Variants in LRRC8D observed in about 807,000 individuals in gnomAD.
The protein encoded by LRRC8D is leucine rich repeat containing 8 VRAC subunit D.
A neutral mutation model predicts 55.8 loss-of-function variants in LRRC8D; 20 were observed. The observed-to-expected ratio is 0.36, with a 90% CI of 0.25 to 0.52. The LOEUF (loss-of-function observed/expected upper bound fraction) is 0.52, where lower values mean the gene tolerates loss of function less well. LRRC8D is among the 20% of genes least tolerant of loss of function. LRRC8D has a pLI of 0.93. For missense variants in LRRC8D, 651 were observed against 1,030.8 expected, an observed-to-expected ratio of 0.63 and a Z score of 5.05; for synonymous variants, 352 against 377.0, an observed-to-expected ratio of 0.93 and a Z score of 0.77.
intron 1 of LRRC8D, among the ~76,000 whole-genome samples, chr1:89,828,239 G>A (rs1420685668): frequency 1.3e-5 from 2 of 152,212 alleles, no homozygotes; most frequent in African/African-American, 2.4e-5. Flanking sequence ...AACAGCACAT[G>A]GTCCACCATG....
At chr1:89,839,284 T>C (rs552582708) in intron 1 of LRRC8D, among the ~76,000 whole-genome samples, 1 of 152,292 alleles carries the variant, frequency 6.6e-6, no homozygotes, top group Non-Finnish European at 1.5e-5. Flanking sequence ...TTAGTAATTT[T>C]GTGCAAGGTG....
chr1:89,868,942 T>A (rs1661923357), intron 2 of LRRC8D, among the ~76,000 whole-genome samples: 1 of 152,224 alleles, frequency 6.6e-6, no homozygotes, highest in Non-Finnish European at 1.5e-5. Context: ...AATCTCACTC[T>A]TTCGCCCAGG....
intron 2 of LRRC8D, among the ~76,000 whole-genome samples, chr1:89,924,552 A>G (rs1354939658): frequency 2.0e-5 from 3 of 152,340 alleles, no homozygotes; most frequent in East Asian, 3.9e-4. Flanking sequence ...TCAACCCAGC[A>G]ATCTCTATTG....
intron 2 of LRRC8D, among the ~76,000 whole-genome samples, chr1:89,894,402 G>A (rs1662655817): frequency 6.6e-6 from 1 of 152,174 alleles, no homozygotes; most frequent in Admixed American, 6.5e-5. Flanking sequence ...GGGTATGAAG[G>A]GAAATGCTTG....
chr1:89,892,431 A>C (rs1662600811), intron 2 of LRRC8D, among the ~76,000 whole-genome samples: 1 of 152,152 alleles, frequency 6.6e-6, no homozygotes, highest in African/African-American at 2.4e-5. Flanking sequence ...ATAAGGTAGG[A>C]CCAAGTTCCC....
chr1:89,933,054 T>C lies in LRRC8D; in HGVS notation c.-2-13T>C, dbSNP rs1663750985. The C allele has an allele frequency of 1.3e-6, 2 of 1,596,158 alleles. No homozygotes were observed. Among genetic ancestry groups the C allele is most frequent in the Non-Finnish European group, 1.7e-6 (2 of 1,166,392 alleles). On this transcript the variant is annotated splice_polypyrimidine_tract_variant and intron_variant, in intron 2 of 2. Coordinates refer to ENST00000337338, the MANE Select transcript of LRRC8D (RefSeq NM_001134479.2). The surrounding 1 kb of genome is among the most constrained non-coding windows in gnomAD (Gnocchi z 7.0). ...ATCTCTAGAATAATGTCTTTTGTCT[T>C]CTTGTTTTCTAGGAATGTTTACCCT...
Position 89,935,306 on chromosome 1 carries a change from A to C in LRRC8D, c.2238A>C (p.Ile746=). Residue 746 remains isoleucine, a synonymous_variant, in exon 3 of 3, where the codon ATA becomes ATC. Transcript: ENST00000337338. ...ACAACAACATTTCAATGATTCCAAT[A>C]GAAATAGGATTGCTTCAGAACCTGC... ...VSYNNISMIP[I]EIGLLQNLQH... is the part of the protein sequence containing the mutation. 6.2e-7 allele frequency: 1 copy of C among 1,614,122 alleles called. No homozygotes were observed. Among genetic ancestry groups the C allele is most frequent in the Non-Finnish European group, 8.5e-7 (1 of 1,179,914 alleles).
chr1:89,925,890 G>A (rs1271777914), intron 2 of LRRC8D, among the ~76,000 whole-genome samples: 3 of 152,228 alleles, frequency 2.0e-5, no homozygotes, highest in African/African-American at 7.2e-5. Flanking sequence ...ACTTTCTTAA[G>A]CCTATACTTA....
chr1:89,927,245 A>G (rs1663591170), intron 2 of LRRC8D, among the ~76,000 whole-genome samples: 1 of 152,260 alleles, frequency 6.6e-6, no homozygotes, highest in South Asian at 2.1e-4. Context: ...CCTCAATGTC[A>G]TGTCACAGCA....
At position 89,933,477 on chromosome 1, in the gene LRRC8D, C is replaced by T. The variant is rs1663764357; in HGVS notation, c.409C>T (p.Arg137Ter). 3 of 1,614,038 alleles carry T rather than the reference C, an allele frequency of 1.9e-6. No individual in the cohort carries two copies. Among genetic ancestry groups the T allele is most frequent in the Non-Finnish European group, 2.5e-6 (3 of 1,180,020 alleles). The change falls in exon 3 of 3, where the codon CGA (arginine) becomes TGA (stop). Residue 137 changes from arginine (R) to a stop codon, truncating the protein, a stop_gained. Coordinates refer to ENST00000337338, the MANE Select transcript of LRRC8D (RefSeq NM_001134479.2). LOFTEE classifies it high-confidence loss of function. This position sits in a 1 kb window ranked among gnomAD's most constrained non-coding sequence, Gnocchi z 7.0. ...AKKEKKDPTG[R>*]KTNLDFQQYV... is the part of the protein sequence containing the mutation. ...GAAAGAGAAGAAAGATCCAACAGGT[C>T]GAAAAACAAACTTGGATTTTCAGCA...
intron 1 of LRRC8D, among the ~76,000 whole-genome samples, chr1:89,825,273 C>G (rs550624240): frequency 2.6e-5 from 4 of 152,192 alleles, no homozygotes; most frequent in African/African-American, 9.6e-5. Flanking sequence ...CTAATTAGCC[C>G]TTATTTTGGG....
chr1:89,910,087 A>G (rs962987791), intron 2 of LRRC8D, among the ~76,000 whole-genome samples: 7 of 152,228 alleles, frequency 4.6e-5, no homozygotes, highest in Non-Finnish European at 7.4e-5. Context: ...TTACACTTTA[A>G]TGAATTCAGA....
intron 2 of LRRC8D, among the ~76,000 whole-genome samples, chr1:89,876,912 A>G (rs1165670268): frequency 6.6e-6 from 1 of 152,254 alleles, no homozygotes; most frequent in Admixed American, 6.5e-5. Flanking sequence ...TTTGGTAGCC[A>G]CTGGCCCTTG....
chr1:89,897,900 G>T lies in LRRC8D; in HGVS notation c.-2-35167G>T, dbSNP rs527821474. ...GCAGTGGAGGTAGAGGCTGGGACAAGGTGCATCCCGGTGAGTGCCTGGTAC... is the reference window on the plus strand; with the variant it reads ...GCAGTGGAGGTAGAGGCTGGGACAATGTGCATCCCGGTGAGTGCCTGGTAC... On this transcript the variant is annotated intron_variant, in intron 2 of 2. Transcript: ENST00000337338. 5.9e-5 allele frequency among the ~76,000 whole-genome samples: 9 copies of T among 152,274 alleles called. 1 individual carries two copies. In the East Asian group the frequency reaches 1.5e-3, roughly 26 times the overall value.
chr1:89,912,271 C>A (rs1420508210), intron 2 of LRRC8D, among the ~76,000 whole-genome samples: 1 of 152,084 alleles, frequency 6.6e-6, no homozygotes, highest in Non-Finnish European at 1.5e-5. Context: ...GGAATGGTGA[C>A]CTCATTGCCT....
At chr1:89,868,149 C>T (rs376022663) in intron 2 of LRRC8D, among the ~76,000 whole-genome samples, 1 of 152,144 alleles carries the variant, frequency 6.6e-6, no homozygotes, top group East Asian at 1.9e-4. Context: ...CAAAGAATGG[C>T]CTTCAAATGA....
chr1:89,897,468 A>G (rs955257362), intron 2 of LRRC8D, among the ~76,000 whole-genome samples: 6 of 152,202 alleles, frequency 3.9e-5, no homozygotes. Context: ...ATTCTTGGTT[A>G]TCAAAATACT....
intron 2 of LRRC8D, among the ~76,000 whole-genome samples, chr1:89,858,888 TTAAAAC>T (rs1661626480): frequency 6.6e-6 from 1 of 152,120 alleles, no homozygotes; most frequent in Non-Finnish European, 1.5e-5. Flanking sequence ...TACATTCTGT[TTAAAAC>T]TAATAGAATT....
chr1:89,856,836 G>C (rs1262743331), intron 2 of LRRC8D, among the ~76,000 whole-genome samples: 1 of 152,118 alleles, frequency 6.6e-6, no homozygotes, highest in East Asian at 1.9e-4. Context: ...GCTTGTAACT[G>C]TTTTCTATTC....
Sources: allele counts gnomAD v4.1 joint callset (sites outside exome capture counted in the v4.1 genomes callset), GRCh38; gene constraint gnomAD v4.1.1; non-coding constraint Gnocchi (gnomAD v3.1); transcripts MANE v1.5; gene names NCBI Gene and HGNC (gene_info 2026-07-23, HGNC 2026-07-21).